Variants in ZNF618 observed in about 807,000 individuals in gnomAD.
ZNF618 encodes the protein zinc finger protein 618, also known as neural precursor cell expressed, developmentally down-regulated 10.
In ZNF618, 34 loss-of-function variants were observed where a neutral mutation model predicts 103.0. That is an observed-to-expected ratio of 0.33 (90% CI 0.25 to 0.44). The LOEUF is 0.44. Ranked by LOEUF, ZNF618 falls within the 20% of genes least tolerant of loss-of-function variation. The pLI is 1.00. For missense variants in ZNF618, 1,059 were observed against 1,295.4 expected (o/e 0.82, Z 2.80); for synonymous variants, 551 against 542.2 (o/e 1.02, Z -0.23).
rs368342418 is a variant in ZNF618, at chr9:114,049,840, C to T, written c.2538C>T (p.Phe846=). The T allele has an allele frequency of 3.2e-5, 52 of 1,613,946 alleles. No individual in the cohort carries two copies. Among genetic ancestry groups the T allele is most frequent in the East Asian group, 1.3e-4 (6 of 44,882 alleles). Residue 846 remains phenylalanine (F), a synonymous_variant, in exon 15 of 15, where the codon TTC becomes TTT. Transcript: ENST00000374126. ...VKESWAEEAD[F]EPAAKKPRSA... is the part of the protein sequence containing the mutation. ...AGTCCTGGGCCGAGGAGGCCGACTT[C>T]GAGCCCGCTGCCAAGAAGCCCCGCT...
At chr9:114,021,981 T>G (rs879746507) in intron 10 of ZNF618, among the ~76,000 whole-genome samples, 1 of 152,162 alleles carries the variant, frequency 6.6e-6, no homozygotes, top group Non-Finnish European at 1.5e-5. Flanking sequence ...CACAATTACT[T>G]TGTTCATTTA....
intron 1 of ZNF618, among the ~76,000 whole-genome samples, chr9:113,907,277 G>A (rs959830058): frequency 6.6e-6 from 1 of 152,240 alleles, no homozygotes; most frequent in Non-Finnish European, 1.5e-5. Flanking sequence ...TGTAAGATGG[G>A]ATGCTGAGGA....
At chr9:114,010,045 C>G (rs908649541) in intron 9 of ZNF618, among the ~76,000 whole-genome samples, 3 of 152,196 alleles carry the variant, frequency 2.0e-5, no homozygotes, top group Non-Finnish European at 4.4e-5. Context: ...CACGGTGGCT[C>G]ACACCTGTAA....
intron 10 of ZNF618, among the ~76,000 whole-genome samples, chr9:114,020,296 A>G (rs1216860035): frequency 6.6e-6 from 1 of 152,154 alleles, no homozygotes; most frequent in Non-Finnish European, 1.5e-5. Context: ...TGGCTATTCT[A>G]GAAACTTTAT....
chr9:113,984,864 ACC>A (rs1443070761), intron 2 of ZNF618, among the ~76,000 whole-genome samples: 1 of 152,102 alleles, frequency 6.6e-6, no homozygotes, highest in African/African-American at 2.4e-5. Flanking sequence ...CAGCATGACC[ACC>A]TCTGCAGCAC....
intron 10 of ZNF618, among the ~76,000 whole-genome samples, chr9:114,026,385 AAG>A (rs1463303760): frequency 7.9e-5 from 12 of 152,294 alleles, no homozygotes; most frequent in Admixed American, 5.2e-4. Context: ...GCCACAGGGA[AAG>A]AGGGGGCTGT....
intron 12 of ZNF618, among the ~76,000 whole-genome samples, chr9:114,035,030 C>T (rs781410434): frequency 5.3e-5 from 8 of 152,308 alleles, no homozygotes; most frequent in Non-Finnish European, 7.4e-5. Context: ...CTGTGTCAAG[C>T]CTCCCTGCAA....
intron 1 of ZNF618, among the ~76,000 whole-genome samples, chr9:113,946,269 C>T (rs1284807964): frequency 2.0e-5 from 3 of 152,084 alleles, no homozygotes; most frequent in African/African-American, 7.2e-5. Flanking sequence ...GCCCCATTCT[C>T]ATTTTATGGA....
intron 1 of ZNF618, among the ~76,000 whole-genome samples, chr9:113,958,136 A>G (rs536966859): frequency 5.3e-5 from 8 of 152,154 alleles, no homozygotes; most frequent in Non-Finnish European, 1.2e-4. Context: ...GAGCGTGTCC[A>G]TGCTGAAAGA....
At chr9:113,876,594 G>T (rs1827957457) in intron 1 of ZNF618, among the ~76,000 whole-genome samples, 181 bp downstream of exon 1, 2 of 151,652 alleles carry the variant, frequency 1.3e-5, no homozygotes, top group Non-Finnish European at 2.9e-5. Flanking sequence ...GGCGCTGCGG[G>T]GTGCGAGGAG....
intron 1 of ZNF618, among the ~76,000 whole-genome samples, chr9:113,963,854 A>G (rs1837098111): frequency 6.6e-6 from 1 of 152,180 alleles, no homozygotes; most frequent in Non-Finnish European, 1.5e-5. Context: ...GAGGAGGGGC[A>G]GCACACACCC....
At chr9:114,017,545 C>G (rs2133966776) in intron 10 of ZNF618, among the ~76,000 whole-genome samples, 1 of 152,324 alleles carries the variant, frequency 6.6e-6, no homozygotes, top group Admixed American at 6.5e-5. Context: ...ATCAGCCTCC[C>G]TCTCTTTCAT....
At chr9:113,952,579 G>A (rs1835883491) in intron 1 of ZNF618, among the ~76,000 whole-genome samples, 2 of 152,216 alleles carry the variant, frequency 1.3e-5, no homozygotes, top group African/African-American at 4.8e-5. Flanking sequence ...TGAGTGATGG[G>A]CCTTGGGGCC....
intron 1 of ZNF618, among the ~76,000 whole-genome samples, chr9:113,880,509 TAG>T (rs1828415344): frequency 6.6e-6 from 1 of 152,154 alleles, no homozygotes; most frequent in African/African-American, 2.4e-5. Context: ...TCCCATATTC[TAG>T]AGAGAGGGGT....
intron 1 of ZNF618, among the ~76,000 whole-genome samples, chr9:113,880,859 A>T (rs772060932): frequency 6.6e-6 from 1 of 152,212 alleles, no homozygotes; most frequent in South Asian, 2.1e-4. Context: ...CTGCAGGTAT[A>T]CTGCACTTTA....
At chr9:113,989,365 G>A (rs1839803852) in intron 3 of ZNF618, among the ~76,000 whole-genome samples, 1 of 152,192 alleles carries the variant, frequency 6.6e-6, no homozygotes, top group South Asian at 2.1e-4. Context: ...CGCCAGAAAT[G>A]AACATTTTGA....
intron 13 of ZNF618, among the ~76,000 whole-genome samples, chr9:114,046,450 G>A (rs1483512252): frequency 6.6e-6 from 1 of 152,150 alleles, no homozygotes; most frequent in African/African-American, 2.4e-5. Context: ...GTATAGCCTA[G>A]GTGTATAATA....
chr9:114,007,158 C>T (rs1841825095), intron 6 of ZNF618, among the ~76,000 whole-genome samples, 192 bp from the exon 7 acceptor site: 1 of 152,174 alleles, frequency 6.6e-6, no homozygotes, highest in African/African-American at 2.4e-5. Context: ...ACCGGCCCTC[C>T]CGGCTGTGCC....
intron 1 of ZNF618, among the ~76,000 whole-genome samples, chr9:113,925,945 T>C (rs184380484): frequency 1.5e-4 from 23 of 152,286 alleles, no homozygotes; most frequent in Middle Eastern, 3.4e-3. Flanking sequence ...ATTTTACTCT[T>C]ATTTATTCCT....
Sources: allele counts gnomAD v4.1 joint callset (sites outside exome capture counted in the v4.1 genomes callset), GRCh38; gene constraint gnomAD v4.1.1; transcripts MANE v1.5; gene names NCBI Gene and HGNC (gene_info 2026-07-23, HGNC 2026-07-21).